The following GDAP1L1 variants were observed in gnomAD, a reference collection of about 807,000 sequenced individuals.
GDAP1L1 encodes the protein ganglioside-induced differentiation-associated protein 1-like 1.
GDAP1L1 carries 21 observed loss-of-function variants against 37.1 expected under a neutral mutation model. The observed-to-expected ratio is 0.57, with a 90% CI of 0.40 to 0.81. GDAP1L1 has a LOEUF of 0.81. GDAP1L1 is among the 40% of genes least tolerant of loss of function. GDAP1L1 has a pLI of 0.00. For synonymous variants in GDAP1L1, 193 were observed against 209.1 expected (o/e 0.92, Z 0.67); for missense variants, 362 against 491.6 (o/e 0.74, Z 2.49).
At chr20:44,257,640 C>A (rs1482753015) in intron 2 of GDAP1L1, among the ~76,000 whole-genome samples, 3 of 152,238 alleles carry the variant, frequency 2.0e-5, no homozygotes, top group Non-Finnish European at 4.4e-5. Context: ...ATAGCCCTTT[C>A]CCCCGAGCTC....
intron 3 of GDAP1L1, among the ~76,000 whole-genome samples, chr20:44,262,933 CT>C (rs1034432980): frequency 1.3e-5 from 2 of 151,896 alleles, no homozygotes; most frequent in African/African-American, 4.8e-5. Flanking sequence ...TGGTCTTGAA[CT>C]CCTGGGCTCA....
chr20:44,258,272 G>C (rs962074761), intron 2 of GDAP1L1, 162 bp from the exon 3 acceptor site: 2 of 754,008 alleles, frequency 2.7e-6, no homozygotes, highest in African/African-American at 3.4e-5. Flanking sequence ...AGAGATGGCC[G>C]GGCCACCACT....
chr20:44,254,204 A>G (rs977179810), intron 1 of GDAP1L1, among the ~76,000 whole-genome samples: 1 of 152,218 alleles, frequency 6.6e-6, no homozygotes, highest in South Asian at 2.1e-4. Context: ...ACTGACCGGG[A>G]ACACACATGG....
chr20:44,278,682 C>T (rs547556797), intron 5 of GDAP1L1, among the ~76,000 whole-genome samples: 7 of 151,900 alleles, frequency 4.6e-5, no homozygotes, highest in Middle Eastern at 6.8e-3. Flanking sequence ...TGCCTGGCCA[C>T]GTATTTGCAC....
intron 5 of GDAP1L1, 148 bp from the exon 6 acceptor site, chr20:44,278,809 T>C (rs911270964): frequency 3.4e-6 from 2 of 588,288 alleles, no homozygotes; most frequent in Non-Finnish European, 6.1e-6. Flanking sequence ...CATGAGGATA[T>C]GGCAAAAATC....
chr20:44,268,876 C>A (rs1332820047), intron 5 of GDAP1L1, among the ~76,000 whole-genome samples: 1 of 152,150 alleles, frequency 6.6e-6, no homozygotes, highest in Non-Finnish European at 1.5e-5. Flanking sequence ...ATACTAAGTA[C>A]AATGGGAAGT....
At chr20:44,265,321 AT>A (rs1252914045) in intron 5 of GDAP1L1, 2 of 984,942 alleles carry the variant, frequency 2.0e-6, no homozygotes, top group Non-Finnish European at 1.2e-6. Context: ...ACTCCACTCC[AT>A]TTTGCCTGTT....
At chr20:44,274,962 G>A (rs937165029) in intron 5 of GDAP1L1, among the ~76,000 whole-genome samples, 1 of 152,118 alleles carries the variant, frequency 6.6e-6, no homozygotes, top group Non-Finnish European at 1.5e-5. Flanking sequence ...GTGTGAAAAA[G>A]GCTCACTGCA....
At chr20:44,272,803 A>C (rs1230848582) in intron 5 of GDAP1L1, among the ~76,000 whole-genome samples, 1 of 152,256 alleles carries the variant, frequency 6.6e-6, no homozygotes, top group Non-Finnish European at 1.5e-5. Context: ...GCAAACATCC[A>C]GATTCGCCTG....
At chr20:44,257,382 C>T (rs761756197) in intron 2 of GDAP1L1, 37 bp downstream of exon 2, 11 of 1,581,178 alleles carry the variant, frequency 7.0e-6, no homozygotes, top group Admixed American at 3.4e-5. Flanking sequence ...CCACTCCATA[C>T]CACAGATCCT....
At chr20:44,267,814 A>G (rs1004671898) in intron 5 of GDAP1L1, among the ~76,000 whole-genome samples, 3 of 152,148 alleles carry the variant, frequency 2.0e-5, no homozygotes, top group African/African-American at 7.2e-5. Flanking sequence ...TCTGGAGAAT[A>G]GCCTCAGACA....
chr20:44,255,673 C>G (rs1423768858), intron 1 of GDAP1L1, among the ~76,000 whole-genome samples: 1 of 151,414 alleles, frequency 6.6e-6, no homozygotes, highest in African/African-American at 2.4e-5. Context: ...ATTGCCTCTT[C>G]TGGATGCTTA....
chr20:44,264,908 G>T, intron 5 of GDAP1L1: 1 of 1,061,808 alleles, frequency 9.4e-7, no homozygotes, highest in Non-Finnish European at 1.1e-6. Context: ...AGGTGAAGAT[G>T]ATGTTAAGAG....
intron 5 of GDAP1L1, among the ~76,000 whole-genome samples, chr20:44,277,476 G>A (rs943060332): frequency 5.3e-5 from 8 of 152,194 alleles, no homozygotes; most frequent in South Asian, 2.1e-4. Context: ...GTGAGGAAGC[G>A]GGAGAGAAGC....
At chr20:44,278,704 G>T (rs1030688702) in intron 5 of GDAP1L1, among the ~76,000 whole-genome samples, 3 of 152,052 alleles carry the variant, frequency 2.0e-5, no homozygotes, top group South Asian at 2.1e-4. Flanking sequence ...TTAAAAGTCA[G>T]CTGATGTATC....
At chr20:44,275,891 A>C (rs1481153737) in intron 5 of GDAP1L1, among the ~76,000 whole-genome samples, 1 of 152,232 alleles carries the variant, frequency 6.6e-6, no homozygotes, top group African/African-American at 2.4e-5. Flanking sequence ...TTTAGATGAC[A>C]CAAAAACATG....
chr20:44,254,586 C>T (rs1421403482), intron 1 of GDAP1L1, among the ~76,000 whole-genome samples: 2 of 152,186 alleles, frequency 1.3e-5, no homozygotes, highest in Non-Finnish European at 2.9e-5. Flanking sequence ...CCTTGTTTTG[C>T]TGATGAGAAA....
At chr20:44,257,398 G>T in intron 2 of GDAP1L1, 53 bp downstream of exon 2, 2 of 1,533,148 alleles carry the variant, frequency 1.3e-6, no homozygotes, top group South Asian at 2.4e-5. Context: ...ATCCTCAGGG[G>T]TCCCCACAGG....
At chr20:44,268,745 C>T (rs1307706980) in intron 5 of GDAP1L1, among the ~76,000 whole-genome samples, 1 of 152,152 alleles carries the variant, frequency 6.6e-6, no homozygotes, top group African/African-American at 2.4e-5. Flanking sequence ...GAACTGGGAA[C>T]TCTTCAGGAA....
Sources: allele counts gnomAD v4.1 joint callset (sites outside exome capture counted in the v4.1 genomes callset), GRCh38; gene constraint gnomAD v4.1.1; transcripts MANE v1.5; gene names NCBI Gene and HGNC (gene_info 2026-07-23, HGNC 2026-07-21).